MYO18B: variants seen among roughly 807,000 people sequenced by gnomAD.
MYO18B encodes the protein unconventional myosin-XVIIIb.
Under a neutral mutation model 273.0 loss-of-function variants are expected in MYO18B, and 204 were observed. The ratio of observed to expected loss-of-function variants is 0.75; its 90% CI spans 0.67 to 0.84. The LOEUF (loss-of-function observed/expected upper bound fraction) is 0.84, where lower values mean the gene tolerates loss of function less well. MYO18B is among the 40% of genes least tolerant of loss of function. The pLI, the probability that MYO18B is intolerant of heterozygous loss-of-function variation, is 0.00. For synonymous variants in MYO18B, 1,330 were observed against 1,305.7 expected, an observed-to-expected ratio of 1.02 and a Z score of -0.40; for missense variants, 3,212 against 3,287.6, an observed-to-expected ratio of 0.98 and a Z score of 0.56.
intron 42 of MYO18B, among the ~76,000 whole-genome samples, chr22:26,009,339 C>T (rs1934695071): frequency 6.6e-6 from 1 of 152,138 alleles, no homozygotes; most frequent in Non-Finnish European, 1.5e-5. Flanking sequence ...TCTCTTGTGT[C>T]CTCAACTTTC....
intron 39 of MYO18B, among the ~76,000 whole-genome samples, chr22:25,991,336 A>G (rs1027215583): frequency 2.0e-5 from 3 of 152,232 alleles, no homozygotes; most frequent in African/African-American, 7.2e-5. Flanking sequence ...TTCAGGCCGG[A>G]TAATTCTTTG....
chr22:25,936,693 T>C (rs1298408098), intron 34 of MYO18B, among the ~76,000 whole-genome samples: 1 of 152,206 alleles, frequency 6.6e-6, no homozygotes, highest in African/African-American at 2.4e-5. Context: ...TTATTATAGT[T>C]CTGGAGGCTG....
Position 25,882,768 on chromosome 22 carries a change from C to T in MYO18B, c.4314+4720C>T, listed in dbSNP as rs534153847. On this transcript the variant is annotated intron_variant, in intron 25 of 43. Coordinates refer to ENST00000335473, the MANE Select transcript of MYO18B (RefSeq NM_032608.7). The stretch of plus-strand genomic sequence containing the variant: ...AAAAAATTTTTAAATAGTTTTAGAG[C>T]GTACAATGGCAGTTTTTTTACATGG... 9.9e-5 allele frequency among the ~76,000 whole-genome samples: 15 copies of T among 152,254 alleles called. No individual in the cohort carries two copies. The South Asian group carries it at 1.2e-3, about 13-fold the overall frequency.
intron 21 of MYO18B, among the ~76,000 whole-genome samples, chr22:25,862,855 G>T (rs796621997): frequency 8.7e-5 from 13 of 149,068 alleles, no homozygotes; most frequent in African/African-American, 2.7e-4. Context: ...TTGGGGGGGG[G>T]TGTCAAATTT....
chr22:26,055,664 G>GTTGTA, the MYO18B span, among the ~76,000 whole-genome samples: 1 of 152,224 alleles, frequency 6.6e-6, no homozygotes, highest in Non-Finnish European at 1.5e-5. Flanking sequence ...AGGGACAGGA[G>GTTGTA]TTGTATTTTA....
intron 10 of MYO18B, among the ~76,000 whole-genome samples, chr22:25,784,863 G>T (rs909982909): frequency 1.3e-5 from 2 of 152,204 alleles, no homozygotes; most frequent in Non-Finnish European, 2.9e-5. Context: ...TTCATAAAGT[G>T]CAGACTGAGG....
At chr22:25,744,691 G>A (rs948016996) in intron 1 of MYO18B, among the ~76,000 whole-genome samples, 26 of 152,228 alleles carry the variant, frequency 1.7e-4, no homozygotes, top group African/African-American at 5.5e-4. Context: ...CCGAGATCAC[G>A]CCATTGCACT....
chr22:25,915,207 G>T (rs941661078), intron 33 of MYO18B, among the ~76,000 whole-genome samples: 1 of 152,100 alleles, frequency 6.6e-6, no homozygotes, highest in African/African-American at 2.4e-5. Context: ...ACACATATTT[G>T]CAGTGTCTTT....
In MYO18B at chr22:26,026,812, A is replaced by C. The variant is rs369492493; in HGVS notation, c.6838A>C (p.Ile2280Leu). 24 of 1,595,476 alleles carry C rather than the reference A, an allele frequency of 1.5e-5. No individual in the cohort carries two copies. In the African/African-American group the frequency reaches 3.0e-4, roughly 20 times the overall value. Residue 2280 changes from isoleucine (I) to leucine (L), a missense_variant, in exon 43 of 44, where the codon ATT becomes CTT. Coordinates refer to ENST00000335473, the MANE Select transcript of MYO18B (RefSeq NM_032608.7). ...LGLEDWPTLP[I>L]YQTTGASTLR... ...CCTAGAGGACTGGCCCACTCTCCCC[A>C]TTTACCAGACGACTGGGGCCTCCAC...
chr22:25,850,613 TGTCACCCAGGCTGGA>T (rs1302190991), intron 20 of MYO18B, among the ~76,000 whole-genome samples: 1 of 152,202 alleles, frequency 6.6e-6, no homozygotes, highest in Non-Finnish European at 1.5e-5. Flanking sequence ...TGTCTCGCTC[TGTCACCCAGGCTGGA>T]GTGCAGTGGC....
chr22:25,745,472 GACACACACACACAC>G (rs3068433), intron 1 of MYO18B, among the ~76,000 whole-genome samples: 1 of 146,026 alleles, frequency 6.8e-6, no homozygotes, highest in Non-Finnish European at 1.5e-5. Flanking sequence ...CTCTCTCTCT[GACACACACACACAC>G]ACACACACAC....
At chr22:25,936,980 T>C (rs1350043105) in intron 34 of MYO18B, among the ~76,000 whole-genome samples, 1 of 152,204 alleles carries the variant, frequency 6.6e-6, no homozygotes, top group Non-Finnish European at 1.5e-5. Context: ...ATTCTGTCTC[T>C]GGCAATGTGG....
At chr22:25,948,166 C>T (rs1334971767) in intron 36 of MYO18B, among the ~76,000 whole-genome samples, 2 of 152,130 alleles carry the variant, frequency 1.3e-5, no homozygotes, top group Non-Finnish European at 2.9e-5. Context: ...ACTTAACTAT[C>T]CATCTATCCA....
At chr22:25,945,762 GCCTCCCCTCCCCTCGCCTCCCCTCC>G (rs2092699290) in intron 34 of MYO18B, among the ~76,000 whole-genome samples, 1 of 4,722 alleles carries the variant, frequency 2.1e-4, no homozygotes, top group Admixed American at 3.3e-3. Flanking sequence ...CCCTCCCCTC[GCCTCCCCTCCCCTCGCCTCCCCTCC>G]CCTCCCCTCC....
intron 8 of MYO18B, 66 bp from the exon 9 acceptor site, chr22:25,779,990 T>C (rs2087066902): frequency 2.0e-6 from 3 of 1,490,888 alleles, no homozygotes; most frequent in Admixed American, 2.1e-5. Context: ...AAGGTGGACC[T>C]GTGTGAGGTG....
chr22:25,907,355 T>C (rs1358494429), intron 31 of MYO18B, among the ~76,000 whole-genome samples: 1 of 152,236 alleles, frequency 6.6e-6, no homozygotes, highest in African/African-American at 2.4e-5. Context: ...TTTTGGAGGT[T>C]CTTGTTTGAA....
At chr22:25,970,862 C>T (rs541177182) in intron 39 of MYO18B, among the ~76,000 whole-genome samples, 1 of 152,260 alleles carries the variant, frequency 6.6e-6, no homozygotes, top group East Asian at 1.9e-4. Context: ...CCTTTGTGAG[C>T]TAATTGCTTG....
downstream of MYO18B, among the ~76,000 whole-genome samples, chr22:26,034,362 T>A (rs1359057526): frequency 6.6e-6 from 1 of 152,018 alleles, no homozygotes; most frequent in Non-Finnish European, 1.5e-5. Flanking sequence ...GGTCAAAGAG[T>A]CTCTCTCTGT....
At position 25,768,461 on chromosome 22, in the gene MYO18B, C is replaced by T. The variant is rs767592994; in HGVS notation, c.545C>T (p.Pro182Leu). Residue 182 changes from proline to leucine, a missense_variant, in exon 4 of 44, where the codon CCC becomes CTC. By Grantham distance (98) the Pro-to-Leu change is moderately conservative (BLOSUM62 -3). Transcript: ENST00000335473. ...PHDAPPCKTS[P>L]PATDTGKEKK... ...GACGCCCCCCCTTGCAAGACCTCTCCCCCCGCCACAGATACTGGAAAGGAA... is the reference window on the plus strand; with the variant it reads ...GACGCCCCCCCTTGCAAGACCTCTCTCCCCGCCACAGATACTGGAAAGGAA... 5.9e-6 allele frequency: 9 copies of T among 1,523,778 alleles called. No homozygotes were observed. The highest frequency in any genetic ancestry group is 8.2e-6 in the Non-Finnish European group (9 of 1,100,648). The allele number at this position is 1,523,778 out of a possible 1,614,324, so 94.4% of individuals were successfully genotyped here.
Sources: allele counts gnomAD v4.1 joint callset (sites outside exome capture counted in the v4.1 genomes callset), GRCh38; gene constraint gnomAD v4.1.1; transcripts MANE v1.5; gene names NCBI Gene and HGNC (gene_info 2026-07-23, HGNC 2026-07-21).